Variants in NRG3 observed in about 807,000 individuals in gnomAD.
NRG3 encodes the protein neuregulin 3, also known as pro-neuregulin-3, membrane-bound isoform.
NRG3 carries 31 observed loss-of-function variants against 66.9 expected under a neutral mutation model. The ratio of observed to expected loss-of-function variants is 0.46; its 90% confidence interval spans 0.35 to 0.63. The LOEUF is 0.63. Ranked by LOEUF, NRG3 falls within the 20% of genes least tolerant of loss-of-function variation. The pLI is 0.00. For synonymous variants in NRG3, 393 were observed against 359.4 expected, an observed-to-expected ratio of 1.09 and a Z score of -1.06; for missense variants, 910 against 878.9, an observed-to-expected ratio of 1.04 and a Z score of -0.45.
intron 2 of NRG3, among the ~76,000 whole-genome samples, chr10:82,649,459 C>CTTTTTTTTTTTTTTTT (rs71469930): frequency 6.1e-5 from 3 of 48,800 alleles, no homozygotes; most frequent in African/African-American, 1.9e-4. Flanking sequence ...CTGGTGCAGG[C>CTTTTTTTTTTTTTTTT]TTTTTTTTTT....
At chr10:82,871,595 T>A (rs1485053400) in intron 4 of NRG3, among the ~76,000 whole-genome samples, 1 of 152,148 alleles carries the variant, frequency 6.6e-6, no homozygotes, top group Non-Finnish European at 1.5e-5. Flanking sequence ...TTTTAAGTCT[T>A]TCATTAGTGT....
At chr10:82,574,121 A>T (rs2045901960) in intron 2 of NRG3, among the ~76,000 whole-genome samples, 1 of 151,832 alleles carries the variant, frequency 6.6e-6, no homozygotes, top group Non-Finnish European at 1.5e-5. Flanking sequence ...CAGCCAAGAT[A>T]TGAACTCAAC....
chr10:82,668,128 C>T (rs1422449108), intron 2 of NRG3, among the ~76,000 whole-genome samples: 1 of 152,136 alleles, frequency 6.6e-6, no homozygotes, highest in Non-Finnish European at 1.5e-5. Context: ...TCTCTGCCCG[C>T]ACCCTCTCCT....
In NRG3 at chr10:82,396,801, C is replaced by CTG. The variant is rs138252090; in HGVS notation, c.953+37948_953+37949dup. On this transcript the variant is annotated intron_variant, in intron 2 of 8. Transcript: ENST00000372141. ...CATATTTATTTGTCCCTCTCTCACTCTGTGTGTGTGTGTGTGCATGTGGTT... is the reference window on the plus strand; with the variant it reads ...CATATTTATTTGTCCCTCTCTCACTCTGTGTGTGTGTGTGTGTGCATGTGGTT... 5.4e-3 allele frequency among the ~76,000 whole-genome samples: 820 copies of CTG among 150,984 alleles called. 12 individuals carry two copies. The South Asian group carries it at 0.055, about 10-fold the overall frequency.
In NRG3 at chr10:82,442,784, ATTTTTTTT is replaced by A. The variant is rs61261285; in HGVS notation, c.953+83940_953+83947del. Among the ~76,000 whole-genome samples the A allele has an allele frequency of 1.3e-3, 70 of 54,276 alleles. 2 individuals are homozygous for A. The highest frequency in any genetic ancestry group is 5.4e-3 in the African/African-American group (60 of 11,010). The allele number at this position is 54,276 out of a possible 152,430, so 35.6% of individuals were successfully genotyped here. A position where few individuals can be genotyped will look rare whatever the true frequency, so the allele number is the denominator to read the frequency against. On this transcript the variant is annotated intron_variant, in intron 2 of 8. Coordinates refer to ENST00000372141, the MANE Select transcript of NRG3 (RefSeq NM_001010848.4). ...CACCAAAGATCTTATTTCTGTGTGG[ATTTTTTTT>A]TTTTTTTTTTTTTTTTTTTTTTTAG...
chr10:82,228,876 G>A (rs937084608), intron 1 of NRG3: 3 of 152,284 alleles, frequency 2.0e-5, no homozygotes, highest in African/African-American at 7.2e-5. Flanking sequence ...CACTGAACGT[G>A]ATGAAGCAAC....
intron 1 of NRG3, among the ~76,000 whole-genome samples, chr10:82,306,344 T>A (rs751615541): frequency 6.6e-6 from 1 of 152,284 alleles, no homozygotes; most frequent in Non-Finnish European, 1.5e-5. Flanking sequence ...ATTTTTAAAC[T>A]AATTCAAAAA....
At chr10:82,303,806 G>T (rs982732821) in intron 1 of NRG3, among the ~76,000 whole-genome samples, 30 of 152,196 alleles carry the variant, frequency 2.0e-4, no homozygotes, top group African/African-American at 7.0e-4. Flanking sequence ...GGCAGAGGTT[G>T]CAGTGAGCCA....
chr10:82,788,082 T>C (rs2060442545), intron 3 of NRG3, among the ~76,000 whole-genome samples: 1 of 152,226 alleles, frequency 6.6e-6, no homozygotes, highest in African/African-American at 2.4e-5. Context: ...GTACTTCATA[T>C]ATTTTATTTT....
At chr10:82,543,145 G>A (rs2043658175) in intron 2 of NRG3, among the ~76,000 whole-genome samples, 1 of 152,022 alleles carries the variant, frequency 6.6e-6, no homozygotes, top group African/African-American at 2.4e-5. Context: ...ACCCGACTCA[G>A]CCTCCCAAAA....
intron 1 of NRG3, among the ~76,000 whole-genome samples, chr10:81,915,496 G>GTTTTT (rs78693924): frequency 3.8e-5 from 5 of 130,734 alleles, no homozygotes; most frequent in Non-Finnish European, 7.9e-5. Context: ...CACTTCTTTA[G>GTTTTT]TTTTTTTTTT....
At chr10:81,906,094 A>G (rs1353456256) in intron 1 of NRG3, among the ~76,000 whole-genome samples, 1 of 152,122 alleles carries the variant, frequency 6.6e-6, no homozygotes, top group African/African-American at 2.4e-5. Context: ...TTACCTCACA[A>G]AGTTTTTGTA....
At chr10:82,178,453 T>C (rs1201205561) in intron 1 of NRG3, among the ~76,000 whole-genome samples, 1 of 152,166 alleles carries the variant, frequency 6.6e-6, no homozygotes, top group Non-Finnish European at 1.5e-5. Context: ...TTTTAGATAC[T>C]TTATATAAGT....
chr10:82,453,473 G>A (rs1409263686), intron 2 of NRG3, among the ~76,000 whole-genome samples: 1 of 152,020 alleles, frequency 6.6e-6, no homozygotes, highest in Non-Finnish European at 1.5e-5. Context: ...CATTTCCAGG[G>A]TTTGTTGTCT....
intron 2 of NRG3, among the ~76,000 whole-genome samples, chr10:82,438,229 G>C (rs2090247101): frequency 6.6e-6 from 1 of 152,190 alleles, no homozygotes; most frequent in South Asian, 2.1e-4. Flanking sequence ...TCCAAAACCT[G>C]TCCCTGAGCC....
intron 2 of NRG3, among the ~76,000 whole-genome samples, chr10:82,707,372 C>G (rs1485931288): frequency 6.6e-6 from 1 of 151,400 alleles, no homozygotes; most frequent in East Asian, 2.0e-4. Flanking sequence ...CTTTTTCTTT[C>G]TTTTTTGAGA....
rs114955065 is a variant in NRG3 at position 82,581,770 on chromosome 10, A to G, written c.954-156807A>G. ...GTTATGTGTATTTTACCACCAAAAA[A>G]TTTGGAAAAAACTTCTTCCCAAACC... On this transcript the variant is annotated intron_variant, in intron 2 of 8. Coordinates refer to ENST00000372141, the MANE Select transcript of NRG3 (RefSeq NM_001010848.4). 2.7e-3 allele frequency among the ~76,000 whole-genome samples: 418 copies of G among 152,164 alleles called. 2 individuals carry two copies. The highest frequency in any genetic ancestry group is 8.4e-3 in the African/African-American group (347 of 41,550).
chr10:82,379,887 C>A (rs7896626), intron 2 of NRG3, among the ~76,000 whole-genome samples: 57,369 of 115,026 alleles, frequency 0.5, 14,608 homozygotes, highest in African/African-American at 0.75. Context: ...GAAAGGTAGG[C>A]AGATTCAACA....
At chr10:82,690,234 T>C (rs1384080365) in intron 2 of NRG3, among the ~76,000 whole-genome samples, 1 of 151,952 alleles carries the variant, frequency 6.6e-6, no homozygotes. Flanking sequence ...AGAGAAAATT[T>C]AAATTTCAAT....
Sources: gnomAD v4.1 joint callset for allele counts (sites outside exome capture counted in the v4.1 genomes callset) on GRCh38, gnomAD v4.1.1 for gene constraint, MANE v1.5 for transcripts, NCBI Gene and HGNC (gene_info 2026-07-23, HGNC 2026-07-21) for gene names.